GRIN2A: variants seen among roughly 807,000 people sequenced by gnomAD.
GRIN2A encodes glutamate receptor ionotropic, NMDA 2A.
GRIN2A carries 22 observed loss-of-function variants against 113.4 expected under a neutral mutation model. The ratio of observed to expected loss-of-function variants is 0.19; its 90% CI spans 0.14 to 0.28. The LOEUF is 0.28. Among genes scored for constraint, GRIN2A ranks in the 10% least tolerant of loss-of-function variants. The probability of loss-of-function intolerance (pLI) is 1.00; values close to 1 mark genes in which losing one functional copy is unlikely to be tolerated. For synonymous variants in GRIN2A, 827 were observed against 738.4 expected (o/e 1.12, Z -1.94); for missense variants, 1,502 against 1,887.0 (o/e 0.80, Z 3.78).
At chr16:9,808,915 C>A (rs142157425) in intron 10 of GRIN2A, among the ~76,000 whole-genome samples, 57 of 151,828 alleles carry the variant, frequency 3.8e-4, no homozygotes, top group African/African-American at 1.2e-3. Flanking sequence ...TCCCACCCCC[C>A]CAAAAAAAGT....
At chr16:10,129,654 G>C (rs779795682) in intron 2 of GRIN2A, among the ~76,000 whole-genome samples, 1 of 152,224 alleles carries the variant, frequency 6.6e-6, no homozygotes, top group African/African-American at 2.4e-5. Flanking sequence ...AGGGAAAAGA[G>C]AGCAGGATTT....
intron 2 of GRIN2A, among the ~76,000 whole-genome samples, chr16:10,118,613 T>C (rs1474704387): frequency 1.3e-5 from 2 of 152,232 alleles, no homozygotes; most frequent in African/African-American, 4.8e-5. Context: ...AGTCCTGGTA[T>C]GGCGGAGAAG....
intron 3 of GRIN2A, among the ~76,000 whole-genome samples, chr16:9,907,514 T>C (rs996439817): frequency 6.6e-6 from 1 of 152,178 alleles, no homozygotes; most frequent in Non-Finnish European, 1.5e-5. Context: ...GCTGGTGTGA[T>C]GGAACGGCTC....
At chr16:9,833,056 G>C (rs1298157852) in intron 8 of GRIN2A, among the ~76,000 whole-genome samples, 1 of 152,172 alleles carries the variant, frequency 6.6e-6, no homozygotes, top group Non-Finnish European at 1.5e-5. Flanking sequence ...ACCATATCAA[G>C]TCATTTTTTG....
intron 5 of GRIN2A, among the ~76,000 whole-genome samples, chr16:9,846,250 A>G (rs1202115365): frequency 6.6e-6 from 1 of 152,084 alleles, no homozygotes; most frequent in Non-Finnish European, 1.5e-5. Context: ...CTGCTTATCA[A>G]AAAAAAACTT....
At chr16:10,165,509 TAC>T (rs1230255156) in intron 2 of GRIN2A, among the ~76,000 whole-genome samples, 1 of 125,674 alleles carries the variant, frequency 8.0e-6, no homozygotes, top group Non-Finnish European at 1.7e-5. Flanking sequence ...GATATATATA[TAC>T]ATATATATAT....
chr16:9,786,525 C>G (rs1902241159), intron 11 of GRIN2A, among the ~76,000 whole-genome samples: 3 of 152,248 alleles, frequency 2.0e-5, no homozygotes, highest in South Asian at 4.2e-4. Context: ...GGTAATGATG[C>G]TGTTTCATTA....
intron 11 of GRIN2A, among the ~76,000 whole-genome samples, chr16:9,776,624 C>G (rs1901621305): frequency 6.6e-6 from 1 of 151,986 alleles, no homozygotes; most frequent in Non-Finnish European, 1.5e-5. Flanking sequence ...AGCAATAGAG[C>G]CTGGTGGTTT....
intron 2 of GRIN2A, among the ~76,000 whole-genome samples, chr16:9,955,474 G>T (rs1391771837): frequency 6.6e-6 from 1 of 152,088 alleles, no homozygotes; most frequent in Non-Finnish European, 1.5e-5. Context: ...CTTGTATTAG[G>T]TTAGTGCAAA....
chr16:9,783,186 G>C (rs1049041244), intron 11 of GRIN2A, among the ~76,000 whole-genome samples: 2 of 152,146 alleles, frequency 1.3e-5, no homozygotes, highest in Non-Finnish European at 1.5e-5. Context: ...ACATACGTGG[G>C]AGCAATAATG....
At chr16:10,092,981 G>A (rs1432847700) in intron 2 of GRIN2A, among the ~76,000 whole-genome samples, 1 of 151,782 alleles carries the variant, frequency 6.6e-6, no homozygotes, top group African/African-American at 2.4e-5. Context: ...TGGGATTACA[G>A]GCACCCACCA....
At chr16:9,947,850 G>C (rs575076591) in intron 2 of GRIN2A, among the ~76,000 whole-genome samples, 2 of 152,042 alleles carry the variant, frequency 1.3e-5, no homozygotes, top group South Asian at 4.2e-4. Context: ...TTGGGATAAT[G>C]CATGTATTAC....
At chr16:9,864,427 G>T (rs1449850538) in intron 4 of GRIN2A, among the ~76,000 whole-genome samples, 1 of 134,312 alleles carries the variant, frequency 7.4e-6, no homozygotes, top group Non-Finnish European at 1.6e-5. Context: ...TTACTCTATG[G>T]CAAGTTTTTT....
intron 3 of GRIN2A, among the ~76,000 whole-genome samples, chr16:9,893,587 C>T (rs1473080874): frequency 6.6e-6 from 1 of 152,210 alleles, no homozygotes; most frequent in African/African-American, 2.4e-5. Context: ...CTGCCTCAGC[C>T]TTCCAAGTAG....
At chr16:9,822,229 C>T (rs779711408) in intron 10 of GRIN2A, 35 bp downstream of exon 10, 20 of 1,608,404 alleles carry the variant, frequency 1.2e-5, no homozygotes, top group Non-Finnish European at 1.5e-5. Context: ...TTATCGCTCG[C>T]AGACCTGTGG....
At chr16:9,876,271 C>T (rs1273742276) in intron 4 of GRIN2A, among the ~76,000 whole-genome samples, 1 of 152,132 alleles carries the variant, frequency 6.6e-6, no homozygotes, top group Non-Finnish European at 1.5e-5. Context: ...TAAATATGTT[C>T]TCCATTATCT....
Position 9,763,754 on chromosome 16 carries a change from C to T in GRIN2A, c.3790G>A (p.Glu1264Lys), listed in dbSNP as rs1555482222. Residue 1264 changes from glutamate to lysine, a missense_variant, in exon 13 of 13, where the codon GAG becomes AAG. By Grantham distance (56) the Glu-to-Lys change is moderately conservative (BLOSUM62 1). Transcript: ENST00000330684. Reference protein sequence around the residue: ...LQETGNPATGEQVYQQDWAQN... With the variant: ...LQETGNPATGKQVYQQDWAQN... ...GCCCAGTCCTGCTGGTAGACCTGCTCCCCGGTGGCTGGGTTACCTGTCTCC... is the reference window on the plus strand; with the variant it reads ...GCCCAGTCCTGCTGGTAGACCTGCTTCCCGGTGGCTGGGTTACCTGTCTCC... The T allele has an allele frequency of 1.2e-6, 2 of 1,614,004 alleles. No homozygotes were observed. The highest frequency in any genetic ancestry group is 1.7e-5 in the Admixed American group (1 of 60,008).
chr16:10,051,664 G>C (rs1189041865), intron 2 of GRIN2A, among the ~76,000 whole-genome samples: 1 of 152,216 alleles, frequency 6.6e-6, no homozygotes, highest in East Asian at 1.9e-4. Flanking sequence ...CAAAGAGAAA[G>C]GGTATTCCAG....
chr16:9,758,106 C>T lies in GRIN2A; in HGVS notation c.*5043G>A, dbSNP rs1215434756. The T allele has an allele frequency of 4.7e-6, 1 of 213,512 alleles. No homozygotes were observed. Among genetic ancestry groups the T allele is most frequent in the East Asian group, 6.9e-5 (1 of 14,420 alleles). 13.2% of individuals were successfully genotyped at this position (213,512 alleles called of 1,614,324 possible). ...CATTTGTAAACTTCATTTTTCTCAT[C>T]TCTCCTCCCCTTCTCCTAACTTTTG... On this transcript the variant is annotated 3_prime_UTR_variant, in exon 13 of 13. Transcript: ENST00000330684.
Sources: gnomAD v4.1 joint callset for allele counts (sites outside exome capture counted in the v4.1 genomes callset) on GRCh38, gnomAD v4.1.1 for gene constraint, MANE v1.5 for transcripts, NCBI Gene and HGNC (gene_info 2026-07-23, HGNC 2026-07-21) for gene names.